XPNPEP1: variants seen among roughly 807,000 people sequenced by gnomAD.
XPNPEP1 encodes xaa-Pro aminopeptidase 1.
In XPNPEP1, 39 loss-of-function variants were observed where a neutral mutation model predicts 92.4. That is an observed-to-expected ratio of 0.42 (90% confidence interval 0.33 to 0.55). XPNPEP1 has a LOEUF of 0.55. XPNPEP1 is among the 20% of genes least tolerant of loss of function. The probability of loss-of-function intolerance (pLI) is 0.08; values close to 1 mark genes in which losing one functional copy is unlikely to be tolerated. For synonymous variants in XPNPEP1, 307 were observed against 299.4 expected (o/e 1.03, Z -0.26); for missense variants, 654 against 856.1 (o/e 0.76, Z 2.95).
Position 109,880,352 on chromosome 10 carries a change from T to C in XPNPEP1, c.1132-114A>G, listed in dbSNP as rs1283763142. 9 of 1,061,392 alleles carry C rather than the reference T, an allele frequency of 8.5e-6. No homozygotes were observed. In the Admixed American group the frequency reaches 1.4e-4, roughly 17 times the overall value. The allele number at this position is 1,061,392 out of a possible 1,614,324, so 65.7% of individuals were successfully genotyped here. A position where few individuals can be genotyped will look rare whatever the true frequency, so the allele number is the denominator to read the frequency against. ...GCTGTACCTGCAGGGCCACACATCA[T>C]CAGCAACCAGAGCTTTACATGTGGA... On this transcript the variant is annotated intron_variant, in intron 11 of 20. Coordinates refer to ENST00000502935, the MANE Select transcript of XPNPEP1 (RefSeq NM_020383.4).
intron 16 of XPNPEP1, 136 bp downstream of exon 16, chr10:109,873,231 G>C: frequency 1.0e-6 from 1 of 960,250 alleles, no homozygotes; most frequent in Non-Finnish European, 1.6e-6. Context: ...AAGCAGATAA[G>C]CCTGACTCCA....
chr10:109,873,527 C>G lies in XPNPEP1; in HGVS notation c.1392-100G>C, dbSNP rs549770010. The G allele has an allele frequency of 5.4e-4, 760 of 1,406,072 alleles. 1 individual carries two copies. The highest frequency in any genetic ancestry group is 7.2e-4 in the Non-Finnish European group (722 of 999,684). 87.1% of individuals were successfully genotyped at this position (1,406,072 alleles called of 1,614,324 possible). ...GACAAGTGAGAAGCCCCATACAATG[C>G]TGGTGGGCATGTAAAATAGCACAGC... On this transcript the variant is annotated intron_variant, in intron 15 of 20. Coordinates refer to ENST00000502935, the MANE Select transcript of XPNPEP1 (RefSeq NM_020383.4).
chr10:109,917,607 G>A lies in XPNPEP1; in HGVS notation c.33-2508C>T, dbSNP rs556829146. Among the ~76,000 whole-genome samples the A allele has an allele frequency of 5.6e-4, 86 of 152,250 alleles. 1 individual carries two copies. The South Asian group carries it at 0.017, about 30-fold the overall frequency. ...CTGCCAAAATTCTAGCTAGCTTGGA[G>A]GTTGAAACTGACAAGCAGATTCTAA... On this transcript the variant is annotated intron_variant, in intron 1 of 20. Transcript: ENST00000502935.
chr10:109,891,783 G>A lies in XPNPEP1; in HGVS notation c.354C>T (p.Asp118=), dbSNP rs111607977. The change falls in exon 5 of 21, where the codon GAC becomes GAT. Residue 118 remains aspartate, a synonymous_variant. Coordinates refer to ENST00000502935, the MANE Select transcript of XPNPEP1 (RefSeq NM_020383.4). ...ITEEHAAMWT[D]GRYFLQAAKQ... is the part of the protein sequence containing the mutation. ...TGGCAGCCTGGAGAAAGTAGCGCCCGTCAGTCCACATGGCTGCATGCTCTT... is the reference window on the plus strand; with the variant it reads ...TGGCAGCCTGGAGAAAGTAGCGCCCATCAGTCCACATGGCTGCATGCTCTT... 8.4e-3 allele frequency: 13,464 copies of A among 1,601,562 alleles called. 68 individuals carry two copies. Among genetic ancestry groups the A allele is most frequent in the Non-Finnish European group, 1.0e-2 (11,761 of 1,176,510 alleles).
intron 4 of XPNPEP1, 63 bp downstream of exon 4, chr10:109,892,949 G>T: frequency 6.5e-7 from 1 of 1,535,348 alleles, no homozygotes; most frequent in Non-Finnish European, 9.0e-7. Flanking sequence ...CTGAAACTCG[G>T]TTCAGTTATT....
chr10:109,891,964 G>T, intron 4 of XPNPEP1, 138 bp from the exon 5 acceptor site: 1 of 711,630 alleles, frequency 1.4e-6, no homozygotes, highest in Non-Finnish European at 2.3e-6. Context: ...TGACTCCAAA[G>T]AAACCTCTGG....
chr10:109,886,817 C>G (rs538858556), intron 7 of XPNPEP1, among the ~76,000 whole-genome samples: 7 of 152,336 alleles, frequency 4.6e-5, no homozygotes, highest in Non-Finnish European at 8.8e-5. Flanking sequence ...TCTCAGGGGT[C>G]AGGGGAACAG....
chr10:109,870,914 AT>A lies in XPNPEP1; in HGVS notation c.1523-11del, dbSNP rs1554872506. The A allele has an allele frequency of 6.2e-7, 1 of 1,612,014 alleles. No homozygotes were observed. Among genetic ancestry groups the A allele is most frequent in the Non-Finnish European group, 8.5e-7 (1 of 1,179,188 alleles). On this transcript the variant is annotated splice_polypyrimidine_tract_variant and intron_variant, in intron 17 of 20. Coordinates refer to ENST00000502935, the MANE Select transcript of XPNPEP1 (RefSeq NM_020383.4). Reference sequence around the variant, plus strand: ...GAGTCAAGAAGGTGACCTGAAAGACATAAAGAGCCACTTAATTGTATTTGTA... The same window carrying A: ...GAGTCAAGAAGGTGACCTGAAAGACAAAAGAGCCACTTAATTGTATTTGTA...
chr10:109,905,179 A>C (rs1849490417), intron 3 of XPNPEP1, among the ~76,000 whole-genome samples: 1 of 152,220 alleles, frequency 6.6e-6, no homozygotes, highest in African/African-American at 2.4e-5. Context: ...ATACTGCATG[A>C]TTCCAATTAC....
In XPNPEP1 at chr10:109,865,265, C is replaced by T. The variant is rs771639138; in HGVS notation, c.1920G>A (p.Gly640=). The change falls in exon 21 of 21, where the codon GGG becomes GGA. Residue 640 remains glycine (G), a synonymous_variant. Transcript: ENST00000502935. The stretch of plus-strand genomic sequence containing the variant: ...GGCGGCCCTGTTTCTGCAATTCCTT[C>T]CCAATCACATCCCTGCAGGTCAGGT... The part of the protein sequence containing the change: ...NYHLTCRDVI[G]KELQKQGRQE... The T allele has an allele frequency of 6.2e-7, 1 of 1,614,176 alleles. No individual in the cohort carries two copies. Among genetic ancestry groups the T allele is most frequent in the South Asian group, 1.1e-5 (1 of 91,076 alleles).
intron 1 of XPNPEP1, among the ~76,000 whole-genome samples, chr10:109,922,033 A>G (rs1282942625): frequency 6.6e-6 from 1 of 152,204 alleles, no homozygotes; most frequent in African/African-American, 2.4e-5. Context: ...TCTGAAGCCA[A>G]TGTTGGTGGT....
intron 3 of XPNPEP1, among the ~76,000 whole-genome samples, chr10:109,901,648 A>C (rs924260643): frequency 6.6e-6 from 1 of 152,244 alleles, no homozygotes; most frequent in Non-Finnish European, 1.5e-5. Context: ...GTGACTGAGA[A>C]ACAGAATACT....
At chr10:109,873,249 G>A in intron 16 of XPNPEP1, 118 bp downstream of exon 16, 2 of 1,174,004 alleles carry the variant, frequency 1.7e-6, no homozygotes, top group Non-Finnish European at 2.5e-6. Context: ...CCACAGCAAG[G>A]AGCAATTTTA....
chr10:109,904,823 A>G (rs1311822439), intron 3 of XPNPEP1, among the ~76,000 whole-genome samples: 1 of 152,236 alleles, frequency 6.6e-6, no homozygotes, highest in Non-Finnish European at 1.5e-5. Context: ...AATGCAAAAT[A>G]GTACAGGTGC....
intron 20 of XPNPEP1, among the ~76,000 whole-genome samples, chr10:109,865,999 A>G (rs1847121150): frequency 1.3e-5 from 2 of 152,204 alleles, no homozygotes; most frequent in South Asian, 4.1e-4. Context: ...TGAGGCAGGA[A>G]AAAGGGTGAA....
intron 13 of XPNPEP1, 34 bp downstream of exon 13, chr10:109,877,966 C>T (rs774309939): frequency 1.9e-5 from 30 of 1,614,188 alleles, no homozygotes; most frequent in Non-Finnish European, 2.4e-5. Context: ...AAAATCAGCA[C>T]GAGGCTCCTG....
At chr10:109,923,068 C>T (rs1250024332) in intron 1 of XPNPEP1, 1 of 793,558 alleles carries the variant, frequency 1.3e-6, no homozygotes, top group Non-Finnish European at 1.5e-6. Flanking sequence ...GGCCAACTTC[C>T]TCCAAGAACG....
intron 5 of XPNPEP1, among the ~76,000 whole-genome samples, chr10:109,890,700 T>C (rs1231256068): frequency 6.6e-6 from 1 of 152,082 alleles, no homozygotes; most frequent in East Asian, 1.9e-4. Flanking sequence ...TGAAATGATT[T>C]TTGAGAAATA....
At position 109,867,162 on chromosome 10, in the gene XPNPEP1, A is replaced by G. The variant is rs1354682112; in HGVS notation, c.1872+1452T>C. On this transcript the variant is annotated intron_variant, in intron 20 of 20. Coordinates refer to ENST00000502935, the MANE Select transcript of XPNPEP1 (RefSeq NM_020383.4). The surrounding 1 kb of genome is among the most constrained non-coding windows in gnomAD (Gnocchi z 4.5). Reference sequence around the variant, plus strand: ...TGCTAAGTCCCTGGAAGCTGTGCCCAAGGGCCATTACAAGAGACACTGGTT... The same window carrying G: ...TGCTAAGTCCCTGGAAGCTGTGCCCGAGGGCCATTACAAGAGACACTGGTT... Among the ~76,000 whole-genome samples, 2 of 152,226 alleles carry G rather than the reference A, an allele frequency of 1.3e-5. No individual in the cohort carries two copies. The highest frequency in any genetic ancestry group is 2.9e-5 in the Non-Finnish European group (2 of 68,038).
Sources: allele counts gnomAD v4.1 joint callset (sites outside exome capture counted in the v4.1 genomes callset), GRCh38; gene constraint gnomAD v4.1.1; non-coding constraint Gnocchi (gnomAD v3.1); transcripts MANE v1.5; gene names NCBI Gene and HGNC (gene_info 2026-07-23, HGNC 2026-07-21).